Variants in ATP2B4 observed in about 807,000 individuals in gnomAD.
The protein encoded by ATP2B4 is plasma membrane calcium-transporting ATPase 4.
A neutral mutation model predicts 110.3 loss-of-function variants in ATP2B4; 39 were observed. The ratio of observed to expected loss-of-function variants is 0.35; its 90% CI spans 0.27 to 0.46. ATP2B4 has a LOEUF of 0.46. Ranked by LOEUF, ATP2B4 falls within the 20% of genes least tolerant of loss-of-function variation. The probability of loss-of-function intolerance (pLI) is 1.00; values close to 1 mark genes in which losing one functional copy is unlikely to be tolerated. For missense variants in ATP2B4, 1,135 were observed against 1,530.9 expected, an observed-to-expected ratio of 0.74 and a Z score of 4.32; for synonymous variants, 538 against 571.7, an observed-to-expected ratio of 0.94 and a Z score of 0.84.
intron 1 of ATP2B4, among the ~76,000 whole-genome samples, chr1:203,644,987 T>C (rs1452070174): frequency 1.3e-5 from 2 of 152,208 alleles, no homozygotes; most frequent in Admixed American, 6.5e-5. Flanking sequence ...ATTCTCTTTT[T>C]ACTTCTTTGT....
chr1:203,630,750 G>T (rs1663243995), intron 1 of ATP2B4, among the ~76,000 whole-genome samples: 3 of 152,160 alleles, frequency 2.0e-5, no homozygotes, highest in Non-Finnish European at 4.4e-5. Flanking sequence ...TCATCCCAGT[G>T]GGTATTTGGT....
chr1:203,631,825 C>T (rs540152610), intron 1 of ATP2B4, among the ~76,000 whole-genome samples: 2 of 152,262 alleles, frequency 1.3e-5, no homozygotes, highest in Admixed American at 1.3e-4. Context: ...GACAGAGTCT[C>T]GCTCTGTCGC....
At position 203,716,510 on chromosome 1, in the gene ATP2B4, A is replaced by G. The variant is rs1342622631; in HGVS notation, c.2406+2233A>G. On this transcript the variant is annotated intron_variant, in intron 15 of 20. Transcript: ENST00000357681. ...ATTGTTCGGACACAGTCTAGACACA[A>G]TGAGCCACCTTTATCAGTTAGTTGT... Among the ~76,000 whole-genome samples the G allele has an allele frequency of 2.8e-5, 4 of 145,142 alleles. 2 individuals carry two copies. The highest frequency in any genetic ancestry group is 5.0e-5 in the African/African-American group (2 of 39,768).
rs1033518351 is a variant in ATP2B4 at position 203,727,426 on chromosome 1, A to C, written c.3164A>C (p.Lys1055Thr). The C allele has an allele frequency of 1.2e-6, 2 of 1,614,194 alleles. No individual in the cohort carries two copies. The highest frequency in any genetic ancestry group is 1.7e-5 in the Admixed American group (1 of 60,026). ...FISAIPTRSL[K>T]FLKEAGHGTT... The stretch of plus-strand genomic sequence containing the variant: ...TCCGCAATACCTACCCGATCCCTGA[A>C]GTTCCTGAAGGAGGCTGGGCATGGC... Residue 1055 changes from lysine to threonine, a missense_variant, in exon 20 of 21, where the codon AAG becomes ACG. By Grantham distance (78) the Lys-to-Thr change is moderately conservative (BLOSUM62 -1). Coordinates refer to ENST00000357681, the MANE Select transcript of ATP2B4 (RefSeq NM_001684.5).
chr1:203,723,417 G>GATAT (rs1271629885), intron 18 of ATP2B4, among the ~76,000 whole-genome samples: 3 of 67,438 alleles, frequency 4.4e-5, no homozygotes, highest in African/African-American at 1.7e-4. Context: ...GTTTGAGACA[G>GATAT]ATATCTCTCT....
intron 4 of ATP2B4, 91 bp from the exon 5 acceptor site, chr1:203,700,115 A>C (rs546467503): frequency 1.4e-6 from 2 of 1,460,202 alleles, no homozygotes; most frequent in African/African-American, 1.4e-5. Flanking sequence ...GGGAACAGCC[A>C]TGAGATAGGG....
rs368628755 is a variant in ATP2B4, at chr1:203,710,884, C to T, written c.1807C>T (p.Arg603Ter). 2 of 1,611,746 alleles carry T rather than the reference C, an allele frequency of 1.2e-6. No individual in the cohort carries two copies. Among genetic ancestry groups the T allele is most frequent in the East Asian group, 2.2e-5 (1 of 44,828 alleles). ...ASEIILRKCNRILDRKGEAVP... is the reference protein window; with the variant it reads ...ASEIILRKCN The stretch of plus-strand genomic sequence containing the variant: ...TACTGTGCGCCTCCCCAGGTGTAAT[C>T]GAATCCTGGACCGGAAAGGGGAAGC... The change falls in exon 12 of 21, where the codon CGA becomes TGA. Residue 603 changes from arginine (R) to a stop codon, truncating the protein, a stop_gained. Transcript: ENST00000357681. LOFTEE classifies it high-confidence loss of function.
chr1:203,708,625 A>C (rs1665917450), intron 10 of ATP2B4, among the ~76,000 whole-genome samples: 1 of 152,028 alleles, frequency 6.6e-6, no homozygotes, highest in African/African-American at 2.4e-5. Flanking sequence ...GGGAAGCCAA[A>C]ATGGTAAGAT....
intron 1 of ATP2B4, among the ~76,000 whole-genome samples, chr1:203,635,659 A>G (rs545322950): frequency 6.6e-6 from 1 of 152,290 alleles, no homozygotes; most frequent in South Asian, 2.1e-4. Flanking sequence ...TCAAAAAAAA[A>G]AGGTGAAACT....
chr1:203,708,167 T>C, intron 10 of ATP2B4, 63 bp downstream of exon 10: 9 of 1,598,178 alleles, frequency 5.6e-6, no homozygotes, highest in Non-Finnish European at 7.7e-6. Flanking sequence ...CCATTTTCTC[T>C]GAAATGAACC....
intron 1 of ATP2B4, among the ~76,000 whole-genome samples, chr1:203,631,786 TTTTGTTTG>T (rs113936022): frequency 6.6e-6 from 1 of 151,962 alleles, no homozygotes; most frequent in Admixed American, 6.5e-5. Context: ...ACAAGGTGAT[TTTTGTTTG>T]TTTGTTTGTT....
intron 1 of ATP2B4, among the ~76,000 whole-genome samples, chr1:203,631,133 C>G (rs1663254066): frequency 6.6e-6 from 1 of 152,082 alleles, no homozygotes; most frequent in Non-Finnish European, 1.5e-5. Flanking sequence ...CTAGTGAGGA[C>G]CAGAGCCAAG....
chr1:203,718,515 G>T (rs997316548), intron 15 of ATP2B4, among the ~76,000 whole-genome samples: 8 of 151,830 alleles, frequency 5.3e-5, no homozygotes, highest in African/African-American at 1.9e-4. Flanking sequence ...GGCCAGAGTG[G>T]TCTCAAACTC....
chr1:203,688,756 T>C (rs1665280846), intron 2 of ATP2B4, among the ~76,000 whole-genome samples: 1 of 152,026 alleles, frequency 6.6e-6, no homozygotes, highest in Non-Finnish European at 1.5e-5. Context: ...GAAATAAGGC[T>C]GAGAGCATGA....
rs773094398 is a variant in ATP2B4 at position 203,710,914 on chromosome 1, C to T, written c.1837C>T (p.Pro613Ser). The T allele has an allele frequency of 1.9e-6, 3 of 1,614,010 alleles. No individual in the cohort carries two copies. The South Asian group carries it at 3.3e-5, about 18-fold the overall frequency. The change falls in exon 12 of 21, where the codon CCA (proline) becomes TCA (serine). Residue 613 changes from proline to serine, a missense_variant. This residue lies in a region of ATP2B4 where 368 missense variants were observed against 455.9 expected (regional missense o/e 0.81). Coordinates refer to ENST00000357681, the MANE Select transcript of ATP2B4 (RefSeq NM_001684.5). ...CCTGGACCGGAAAGGGGAAGCAGTG[C>T]CATTCAAGAATAAAGACAGAGATGA... The part of the protein sequence containing the change: ...RILDRKGEAV[P>S]FKNKDRDDMV...
chr1:203,736,235 C>G (rs2102240347), intron 20 of ATP2B4, among the ~76,000 whole-genome samples: 1 of 152,228 alleles, frequency 6.6e-6, no homozygotes, highest in East Asian at 1.9e-4. Flanking sequence ...GAGGCCGAGG[C>G]AGGTGGATTA....
At chr1:203,630,195 A>G (rs1663220262) in intron 1 of ATP2B4, among the ~76,000 whole-genome samples, 2 of 152,048 alleles carry the variant, frequency 1.3e-5, no homozygotes, top group Admixed American at 1.3e-4. Context: ...GGATATCGGG[A>G]GGCTTTACTC....
chr1:203,743,413 G>C lies in ATP2B4; in HGVS notation c.*3559G>C, dbSNP rs946203610. The C allele has an allele frequency of 6.6e-6, 1 of 152,534 alleles. No homozygotes were observed. The highest frequency in any genetic ancestry group is 6.6e-5 in the Admixed American group (1 of 15,258). The allele number at this position is 152,534 out of a possible 1,614,324, so 9.4% of individuals were successfully genotyped here. ...GCCTCTTCCTCTGAATAGACCAGAC[G>C]CCCTTTCACTTAGTTCAGTGCCAGT... is the stretch of plus-strand genomic sequence containing the variant. On this transcript the variant is annotated 3_prime_UTR_variant, in exon 21 of 21. Transcript: ENST00000357681.
intron 2 of ATP2B4, among the ~76,000 whole-genome samples, chr1:203,697,537 G>A (rs1472262989): frequency 1.3e-5 from 2 of 152,202 alleles, no homozygotes; most frequent in African/African-American, 4.8e-5. Context: ...AATTTATCCA[G>A]CTTATACTTG....
Sources: allele counts gnomAD v4.1 joint callset (sites outside exome capture counted in the v4.1 genomes callset), GRCh38; gene constraint gnomAD v4.1.1; regional missense constraint gnomAD v4.1.1; transcripts MANE v1.5; gene names NCBI Gene and HGNC (gene_info 2026-07-23, HGNC 2026-07-21).